Variants in DOK7 observed in about 807,000 individuals in gnomAD.
DOK7 encodes the protein protein Dok-7.
A neutral mutation model predicts 30.7 loss-of-function variants in DOK7; 32 were observed. That is an observed-to-expected ratio of 1.04 (90% CI 0.79 to 1.40). The LOEUF is 1.40. Ranked by LOEUF, DOK7 falls within the 40% of genes most tolerant of loss-of-function variation. The probability of loss-of-function intolerance (pLI) is 0.00; values close to 1 mark genes in which losing one functional copy is unlikely to be tolerated. For synonymous variants in DOK7, 447 were observed against 324.1 expected (o/e 1.38, Z -4.07); for missense variants, 1,007 against 699.2 (o/e 1.44, Z -4.97).
downstream of DOK7, among the ~76,000 whole-genome samples, chr4:3,497,418 G>A (rs1281532616): frequency 6.6e-6 from 1 of 152,088 alleles, no homozygotes; most frequent in African/African-American, 2.4e-5. Flanking sequence ...GGAGGGCCAG[G>A]CAGGGAGGCA....
At chr4:3,468,648 G>A (rs573406603) in intron 2 of DOK7, among the ~76,000 whole-genome samples, 20 of 139,798 alleles carry the variant, frequency 1.4e-4, no homozygotes, top group African/African-American at 4.8e-4. Flanking sequence ...CTGTGTGTGT[G>A]CATGTATGAG....
At position 3,493,006 on chromosome 4, in the gene DOK7, C is replaced by G; in HGVS notation, c.1020C>G (p.Ile340Met). The G allele has an allele frequency of 6.4e-7, 1 of 1,562,932 alleles. No homozygotes were observed. Among genetic ancestry groups the G allele is most frequent in the Non-Finnish European group, 8.6e-7 (1 of 1,158,950 alleles). Residue 340 changes from isoleucine to methionine, a missense_variant, in exon 7 of 7, where the codon ATC becomes ATG. Physicochemically the swap from Ile to Met is conservative, Grantham distance 10. Coordinates refer to ENST00000340083, the MANE Select transcript of DOK7 (RefSeq NM_173660.5). Reference sequence around the variant, plus strand: ...GCCAGAGCTCCTCGGACAGCGGCATCGCCACTGGCAGCCACTCCTCTTACT... The same window carrying G: ...GCCAGAGCTCCTCGGACAGCGGCATGGCCACTGGCAGCCACTCCTCTTACT... ...VGRQSSSDSGIATGSHSSYSS... is the reference protein window; with the variant it reads ...VGRQSSSDSGMATGSHSSYSS...
chr4:3,478,203 G>C (rs199673583), intron 4 of DOK7, among the ~76,000 whole-genome samples: 1 of 152,222 alleles, frequency 6.6e-6, no homozygotes, highest in Non-Finnish European at 1.5e-5. Context: ...CACAGCAGGA[G>C]GACCCGTTTC....
At chr4:3,490,990 TTCA>T in intron 6 of DOK7, among the ~76,000 whole-genome samples, 1 of 89,174 alleles carries the variant, frequency 1.1e-5, no homozygotes. Context: ...CTCCTGCTCA[TTCA>T]TTCCTTCCTT....
chr4:3,467,168 G>A (rs1278462527), intron 2 of DOK7, among the ~76,000 whole-genome samples: 2 of 150,200 alleles, frequency 1.3e-5, no homozygotes, highest in Admixed American at 1.4e-4. Flanking sequence ...GACTCCCATC[G>A]TGTTCAGTGT....
At chr4:3,477,681 AGGCACGTGC>A (rs955423128) in intron 4 of DOK7, among the ~76,000 whole-genome samples, 12 of 152,248 alleles carry the variant, frequency 7.9e-5, no homozygotes, top group Admixed American at 2.0e-4. Flanking sequence ...CAGCTGCAGG[AGGCACGTGC>A]GGCAGAGCTG....
intron 5 of DOK7, 76 bp downstream of exon 5, chr4:3,485,734 G>T: frequency 7.1e-7 from 1 of 1,402,002 alleles, no homozygotes. Context: ...GGGGGCCACA[G>T]TGATTTGTCA....
In DOK7 at chr4:3,489,722, A is replaced by C. The variant is rs765683642; in HGVS notation, c.698A>C (p.Gln233Pro). The C allele has an allele frequency of 6.4e-7, 1 of 1,565,404 alleles. No individual in the cohort carries two copies. The highest frequency in any genetic ancestry group is 8.7e-7 in the Non-Finnish European group (1 of 1,155,066). Residue 233 changes from glutamine (Q) to proline (P), a missense_variant, in exon 6 of 7, where the codon CAG (glutamine) becomes CCG (proline). Physicochemically the swap from Gln to Pro is moderately conservative, Grantham distance 76 (BLOSUM62 -1). Transcript: ENST00000340083. ...TCGACTGTGGAGGAGCGTGTGGCCC[A>C]GGAAGCCCTGGAAACCCTACAGCTG... ...GPSTVEERVAQEALETLQLEK... is the reference protein window; with the variant it reads ...GPSTVEERVAPEALETLQLEK...
At chr4:3,497,890 T>C (rs1406246446), downstream of DOK7, among the ~76,000 whole-genome samples, 2 of 152,036 alleles carry the variant, frequency 1.3e-5, no homozygotes, top group African/African-American at 4.8e-5. Context: ...GCCCCAAGGG[T>C]CCTCCTGGGC....
intron 3 of DOK7, among the ~76,000 whole-genome samples, chr4:3,475,984 A>G: frequency 6.6e-6 from 1 of 152,010 alleles, no homozygotes; most frequent in East Asian, 1.9e-4. Flanking sequence ...GAGGAGTGCC[A>G]TTTGCTCATC....
intron 7 of DOK7, chr4:3,500,432 G>A (rs1486236171): frequency 1.3e-6 from 2 of 1,533,742 alleles, no homozygotes; most frequent in Non-Finnish European, 1.7e-6. Flanking sequence ...TGGAGGCACT[G>A]ACAATTGGGG....
At chr4:3,494,504 C>T (rs917344946), downstream of DOK7, 14 of 985,522 alleles carry the variant, frequency 1.4e-5, no homozygotes, top group Non-Finnish European at 1.7e-5. Flanking sequence ...TAGTCCGTTG[C>T]CCAGCCCTCT....
rs1019824318 is a variant in DOK7 at position 3,485,477 on chromosome 4, C to T, written c.533-62C>T. 1.4e-4 allele frequency: 205 copies of T among 1,447,380 alleles called. No individual in the cohort carries two copies. In the South Asian group the frequency reaches 1.8e-3, roughly 13 times the overall value. 89.7% of individuals were successfully genotyped at this position (1,447,380 alleles called of 1,614,324 possible). ...TTTGCTGCGGTTTCCTGTGTTCCTC[C>T]TCTTCAGGGTCCCCAGCCCGCCCTC... On this transcript the variant is annotated intron_variant, in intron 4 of 6. Coordinates refer to ENST00000340083, the MANE Select transcript of DOK7 (RefSeq NM_173660.5).
At position 3,479,973 on chromosome 4, in the gene DOK7, C is replaced by T. The variant is rs569588795; in HGVS notation, c.532+3431C>T. Among the ~76,000 whole-genome samples the T allele has an allele frequency of 5.9e-5, 9 of 152,334 alleles. No individual in the cohort carries two copies. The South Asian group carries it at 8.3e-4, about 14-fold the overall frequency. On this transcript the variant is annotated intron_variant, in intron 4 of 6. Transcript: ENST00000340083. The stretch of plus-strand genomic sequence containing the variant: ...GGTCTGCAGGCTCCAGCCTCACACA[C>T]GGGCAAGTGACTGGGCCCCGCCTTC...
At chr4:3,464,172 G>A (rs1196067801) in intron 2 of DOK7, among the ~76,000 whole-genome samples, 1 of 152,180 alleles carries the variant, frequency 6.6e-6, no homozygotes, top group South Asian at 2.1e-4. Flanking sequence ...GCTGAGCCGG[G>A]CCTGCAGCTG....
At chr4:3,467,773 T>C (rs1364847081) in intron 2 of DOK7, among the ~76,000 whole-genome samples, 1 of 152,240 alleles carries the variant, frequency 6.6e-6, no homozygotes, top group Middle Eastern at 3.4e-3. Context: ...TTCTGGGGGC[T>C]GGAGGTCCAA....
chr4:3,477,066 G>A (rs1190689178), intron 4 of DOK7, among the ~76,000 whole-genome samples: 1 of 122,588 alleles, frequency 8.2e-6, no homozygotes, highest in African/African-American at 3.2e-5. Context: ...AGGCCTGAGA[G>A]CTGTCCTCAC....
intron 5 of DOK7, among the ~76,000 whole-genome samples, chr4:3,487,323 A>T (rs1396474812): frequency 1.3e-5 from 2 of 152,176 alleles, no homozygotes; most frequent in Admixed American, 6.5e-5. Context: ...GTCTGGGCTG[A>T]TGGGTTCGTC....
At chr4:3,499,525 G>A (rs1488194718) in intron 6 of DOK7, among the ~76,000 whole-genome samples, 5 of 152,204 alleles carry the variant, frequency 3.3e-5, no homozygotes, top group Non-Finnish European at 5.9e-5. Flanking sequence ...CCCCTAAGGT[G>A]GGAGCCTGCC....
Sources: gnomAD v4.1 joint callset for allele counts (sites outside exome capture counted in the v4.1 genomes callset) on GRCh38, gnomAD v4.1.1 for gene constraint, MANE v1.5 for transcripts, NCBI Gene and HGNC (gene_info 2026-07-23, HGNC 2026-07-21) for gene names.